Variants in CPEB4 observed in about 807,000 individuals in gnomAD.
CPEB4 encodes cytoplasmic polyadenylation element binding protein 4, also known as cytoplasmic polyadenylation element-binding protein 4.
CPEB4 carries 12 observed loss-of-function variants against 72.5 expected under a neutral mutation model. That is an observed-to-expected ratio of 0.17 (90% CI 0.11 to 0.27). The LOEUF (loss-of-function observed/expected upper bound fraction) is 0.27, where lower values mean the gene tolerates loss of function less well. CPEB4 is among the 10% of genes least tolerant of loss of function. The pLI is 1.00. For synonymous variants in CPEB4, 302 were observed against 326.3 expected, an observed-to-expected ratio of 0.93 and a Z score of 0.80; for missense variants, 614 against 908.5, an observed-to-expected ratio of 0.68 and a Z score of 4.17.
intron 6 of CPEB4, 21 bp downstream of exon 6, chr5:173,949,618 TAC>T (rs749635987): frequency 6.8e-7 from 1 of 1,477,498 alleles, no homozygotes; most frequent in African/African-American, 1.4e-5. Flanking sequence ...AGATTCATTA[TAC>T]TTATGTAATT....
At chr5:173,908,975 T>C (rs1259143530) in intron 1 of CPEB4, among the ~76,000 whole-genome samples, 1 of 152,174 alleles carries the variant, frequency 6.6e-6, no homozygotes, top group Non-Finnish European at 1.5e-5. Context: ...TATTATTGCT[T>C]TGTCTCAGTT....
intron 5 of CPEB4, 45 bp downstream of exon 5, chr5:173,945,185 A>G (rs781445901): frequency 1.3e-6 from 2 of 1,522,128 alleles, no homozygotes; most frequent in African/African-American, 1.4e-5. Flanking sequence ...ATGGTGGCAC[A>G]TAGTAGGAAA....
Position 173,950,174 on chromosome 5 carries a change from C to A in CPEB4, c.1665+96C>A. On this transcript the variant is annotated intron_variant, in intron 7 of 9. Transcript: ENST00000265085. This position sits in a 1 kb window ranked among gnomAD's most constrained non-coding sequence, Gnocchi z 5.0. Reference sequence around the variant, plus strand: ...TAGACAACTTGATGTGTTTGGGGTACTTAATTGACATGTTTGTAAGCAGAC... The same window carrying A: ...TAGACAACTTGATGTGTTTGGGGTAATTAATTGACATGTTTGTAAGCAGAC... The A allele has an allele frequency of 1.5e-6, 1 of 674,230 alleles. No homozygotes were observed. The highest frequency in any genetic ancestry group is 2.5e-6 in the Non-Finnish European group (1 of 395,706). The allele number at this position is 674,230 out of a possible 1,614,324, so 41.8% of individuals were successfully genotyped here.
chr5:173,911,043 G>A (rs1214650429), intron 2 of CPEB4, among the ~76,000 whole-genome samples: 1 of 151,766 alleles, frequency 6.6e-6, no homozygotes, highest in Non-Finnish European at 1.5e-5. Context: ...TTAAAATGAA[G>A]TTCTGTAGTT....
At position 173,957,021 on chromosome 5, in the gene CPEB4, C is replaced by A. The variant is rs1457902404; in HGVS notation, c.*884C>A. On this transcript the variant is annotated 3_prime_UTR_variant, in exon 10 of 10. Coordinates refer to ENST00000265085, the MANE Select transcript of CPEB4 (RefSeq NM_030627.4). Reference sequence around the variant, plus strand: ...CAACTGGTGGGAAACCTAGCATTTCCTCTCCTGAAGAATAAATGTATAAAT... The same window carrying A: ...CAACTGGTGGGAAACCTAGCATTTCATCTCCTGAAGAATAAATGTATAAAT... 1 of 152,576 alleles carries A rather than the reference C, an allele frequency of 6.6e-6. No individual in the cohort carries two copies. Among genetic ancestry groups the A allele is most frequent in the Non-Finnish European group, 1.5e-5 (1 of 68,004 alleles). 9.5% of individuals were successfully genotyped at this position (152,576 alleles called of 1,614,324 possible).
chr5:173,941,484 A>G (rs1232503022), intron 3 of CPEB4, among the ~76,000 whole-genome samples: 1 of 152,230 alleles, frequency 6.6e-6, no homozygotes, highest in African/African-American at 2.4e-5. Context: ...ATACTCACAT[A>G]ATATTTCTGA....
intron 3 of CPEB4, among the ~76,000 whole-genome samples, chr5:173,937,331 C>T (rs915871394): frequency 6.6e-6 from 1 of 152,088 alleles, no homozygotes; most frequent in Non-Finnish European, 1.5e-5. Context: ...GTGTGAGTCA[C>T]CTCACCCGGC....
rs1192159852 is a variant in CPEB4, at chr5:173,959,263, TAA to T, written c.*3128_*3129del. On this transcript the variant is annotated 3_prime_UTR_variant, in exon 10 of 10. Transcript: ENST00000265085. ...ACATGGTGATTTTTGCAATGTAAAA[TAA>T]AGTGTTTCTGATTATTTTCTATGTA... is the stretch of plus-strand genomic sequence containing the variant. 3 of 152,778 alleles carry T rather than the reference TAA, an allele frequency of 2.0e-5. No homozygotes were observed. The highest frequency in any genetic ancestry group is 2.9e-5 in the Non-Finnish European group (2 of 68,020). 9.5% of individuals were successfully genotyped at this position (152,778 alleles called of 1,614,324 possible).
At chr5:173,951,014 A>G (rs1401876942) in intron 7 of CPEB4, among the ~76,000 whole-genome samples, 1 of 152,210 alleles carries the variant, frequency 6.6e-6, no homozygotes, top group Admixed American at 6.5e-5. Context: ...TTAAGCAAAT[A>G]ACATCTGTGG....
intron 2 of CPEB4, among the ~76,000 whole-genome samples, chr5:173,923,985 C>T (rs1373163568): frequency 6.6e-6 from 1 of 152,158 alleles, no homozygotes; most frequent in Admixed American, 6.5e-5. Context: ...TAGTTTCTCT[C>T]TGGACATTCC....
Position 173,959,236 on chromosome 5 carries a change from T to C in CPEB4, c.*3099T>C, listed in dbSNP as rs1251144616. On this transcript the variant is annotated 3_prime_UTR_variant, in exon 10 of 10. Coordinates refer to ENST00000265085, the MANE Select transcript of CPEB4 (RefSeq NM_030627.4). Reference sequence around the variant, plus strand: ...TACTTACAATGTAGTTACAGAGTAATTACATGGTGATTTTTGCAATGTAAA... The same window carrying C: ...TACTTACAATGTAGTTACAGAGTAACTACATGGTGATTTTTGCAATGTAAA... 1 of 152,780 alleles carries C rather than the reference T, an allele frequency of 6.5e-6. No individual in the cohort carries two copies. The highest frequency in any genetic ancestry group is 2.4e-5 in the African/African-American group (1 of 41,460). The allele number at this position is 152,780 out of a possible 1,614,324, so 9.5% of individuals were successfully genotyped here. A position where few individuals can be genotyped will look rare whatever the true frequency, so the allele number is the denominator to read the frequency against.
intron 2 of CPEB4, among the ~76,000 whole-genome samples, chr5:173,926,030 A>G (rs1243585753): frequency 2.0e-5 from 3 of 152,212 alleles, no homozygotes; most frequent in Admixed American, 6.5e-5. Flanking sequence ...ATTCCCTATT[A>G]TCATTCCTTG....
intron 2 of CPEB4, among the ~76,000 whole-genome samples, chr5:173,922,875 A>G (rs1260982723): frequency 1.3e-5 from 2 of 152,240 alleles, no homozygotes. Flanking sequence ...ACCAGGTACT[A>G]TGGTTGTTGG....
chr5:173,892,701 CAATG>C (rs1755855216), intron 1 of CPEB4, among the ~76,000 whole-genome samples: 1 of 152,042 alleles, frequency 6.6e-6, no homozygotes, highest in African/African-American at 2.4e-5. Context: ...AAAGTTCAGA[CAATG>C]AATAAAATAT....
intron 2 of CPEB4, among the ~76,000 whole-genome samples, chr5:173,926,341 T>C (rs1757240496): frequency 6.6e-6 from 1 of 152,238 alleles, no homozygotes; most frequent in South Asian, 2.1e-4. Context: ...GTTACTTTAG[T>C]TAGTGTCTTA....
chr5:173,901,695 C>T (rs1012092726), intron 1 of CPEB4, among the ~76,000 whole-genome samples: 1 of 152,106 alleles, frequency 6.6e-6, no homozygotes, highest in Non-Finnish European at 1.5e-5. Context: ...CATTTGCCTA[C>T]GATGGGGAAA....
chr5:173,909,518 G>T (rs1283432264), intron 1 of CPEB4, among the ~76,000 whole-genome samples: 2 of 99,048 alleles, frequency 2.0e-5, no homozygotes, highest in Non-Finnish European at 4.1e-5. Context: ...TGGGGGAAGG[G>T]AGAGTCTACG....
intron 3 of CPEB4, among the ~76,000 whole-genome samples, chr5:173,939,365 A>G (rs942625280): frequency 2.6e-5 from 4 of 152,134 alleles, no homozygotes; most frequent in African/African-American, 7.2e-5. Context: ...ACATACATAC[A>G]TACATACAAA....
chr5:173,937,751 TATAA>T (rs558985487), intron 3 of CPEB4, among the ~76,000 whole-genome samples: 482 of 152,314 alleles, frequency 3.2e-3, no homozygotes, highest in Non-Finnish European at 5.1e-3. Context: ...TTCCCATTTT[TATAA>T]ATAAAGAAAC....
Sources: allele counts gnomAD v4.1 joint callset (sites outside exome capture counted in the v4.1 genomes callset), GRCh38; gene constraint gnomAD v4.1.1; non-coding constraint Gnocchi (gnomAD v3.1); transcripts MANE v1.5; gene names NCBI Gene and HGNC (gene_info 2026-07-23, HGNC 2026-07-21).